The following NPAS3 variants were observed in gnomAD, a reference collection of about 807,000 sequenced individuals.
NPAS3 encodes the protein neuronal PAS domain protein 3.
NPAS3 carries 14 observed loss-of-function variants against 73.1 expected under a neutral mutation model. The ratio of observed to expected loss-of-function variants is 0.19; its 90% CI spans 0.13 to 0.30. The LOEUF is 0.30. Among genes scored for constraint, NPAS3 ranks in the 10% least tolerant of loss-of-function variants. The pLI, the probability that NPAS3 is intolerant of heterozygous loss-of-function variation, is 1.00. For missense variants in NPAS3, 1,096 were observed against 1,250.0 expected (o/e 0.88, Z 1.86); for synonymous variants, 620 against 541.5 (o/e 1.14, Z -2.01).
intron 7 of NPAS3, among the ~76,000 whole-genome samples, chr14:33,772,850 T>TTGACCCTCAACTTAAACTCCAGCACCAC (rs1385734185): frequency 3.1e-4 from 47 of 152,228 alleles, no homozygotes; most frequent in African/African-American, 1.1e-3. Context: ...GCATTAAGTA[T>TTGACCCTCAACTTAAACTCCAGCACCAC]GAATTTAGTC....
chr14:33,780,590 ACATCATG>A (rs956595728), intron 9 of NPAS3: 7 of 444,456 alleles, frequency 1.6e-5, no homozygotes, highest in African/African-American at 1.2e-4. Context: ...TATTTGGAAA[ACATCATG>A]CATCATGCTA....
At chr14:33,722,769 G>A (rs1021498969) in intron 6 of NPAS3, among the ~76,000 whole-genome samples, 20 of 152,038 alleles carry the variant, frequency 1.3e-4, no homozygotes, top group Non-Finnish European at 8.8e-5. Flanking sequence ...TTATTACAAA[G>A]TATAAATAAT....
intron 3 of NPAS3, among the ~76,000 whole-genome samples, chr14:33,335,967 A>C (rs1201077863): frequency 6.6e-6 from 1 of 152,212 alleles, no homozygotes; most frequent in African/African-American, 2.4e-5. Flanking sequence ...CTAGTAGTGA[A>C]ATTGCTGAGC....
At chr14:33,310,790 TAC>T (rs57506320) in intron 3 of NPAS3, among the ~76,000 whole-genome samples, 13,850 of 141,958 alleles carry the variant, frequency 0.098, 708 homozygotes, top group Middle Eastern at 0.15. Context: ...AAATGTATGG[TAC>T]ACACACACAC....
At chr14:33,723,828 C>T (rs1405119858) in intron 6 of NPAS3, among the ~76,000 whole-genome samples, 1 of 152,218 alleles carries the variant, frequency 6.6e-6, no homozygotes, top group Non-Finnish European at 1.5e-5. Flanking sequence ...GATGTCAGCT[C>T]ATGCTCCACA....
intron 4 of NPAS3, among the ~76,000 whole-genome samples, chr14:33,499,336 C>T (rs1440543929): frequency 6.6e-6 from 1 of 151,696 alleles, no homozygotes; most frequent in Admixed American, 6.6e-5. Context: ...TGTGAATGCC[C>T]TTCAAATCCT....
In NPAS3 at chr14:33,789,583, C is replaced by CTTTTTTTTTTTTTTTTTTTTTTTTT. The variant is rs10567527; in HGVS notation, c.1154-4291_1154-4290insTTTTTTTTTTTTTTTTTTTTTTTTT. Among the ~76,000 whole-genome samples, 13 of 92,414 alleles carry CTTTTTTTTTTTTTTTTTTTTTTTTT rather than the reference C, an allele frequency of 1.4e-4. 2 individuals are homozygous for CTTTTTTTTTTTTTTTTTTTTTTTTT. Among genetic ancestry groups the CTTTTTTTTTTTTTTTTTTTTTTTTT allele is most frequent in the South Asian group, 4.7e-4 (1 of 2,150 alleles). 60.6% of individuals were successfully genotyped at this position (92,414 alleles called of 152,430 possible). On this transcript the variant is annotated intron_variant, in intron 9 of 11. Coordinates refer to ENST00000356141, the Ensembl canonical transcript of NPAS3. The stretch of plus-strand genomic sequence containing the variant: ...ACTAAAAGTAATTACTAGAGTACAA[C>CTTTTTTTTTTTTTTTTTTTTTTTTT]TTTTTTTTTTTTTTTTTTTTTTTGA...
chr14:33,710,511 C>T (rs958521200), intron 6 of NPAS3, among the ~76,000 whole-genome samples: 6 of 152,172 alleles, frequency 3.9e-5, no homozygotes, highest in East Asian at 1.9e-4. Flanking sequence ...TCTATTAAGC[C>T]GAGGCCGCAT....
intron 4 of NPAS3, among the ~76,000 whole-genome samples, chr14:33,482,769 T>C (rs1205473386): frequency 6.6e-6 from 1 of 152,194 alleles, no homozygotes; most frequent in Middle Eastern, 3.4e-3. Context: ...CCACTGCTTG[T>C]CACTCATGAT....
chr14:33,075,202 G>A (rs2041616752), intron 2 of NPAS3, among the ~76,000 whole-genome samples: 1 of 152,074 alleles, frequency 6.6e-6, no homozygotes, highest in Non-Finnish European at 1.5e-5. Flanking sequence ...TACAAATAAT[G>A]TTTGATTTCT....
intron 6 of NPAS3, among the ~76,000 whole-genome samples, chr14:33,683,109 T>A (rs1008435176): frequency 2.0e-5 from 3 of 152,120 alleles, no homozygotes; most frequent in African/African-American, 7.2e-5. Flanking sequence ...AGAAAAAAAA[T>A]ACAGCTTTTA....
chr14:33,144,704 G>C (rs2044175787), intron 2 of NPAS3, among the ~76,000 whole-genome samples: 1 of 152,050 alleles, frequency 6.6e-6, no homozygotes, highest in Admixed American at 6.6e-5. Flanking sequence ...AAAACACCCA[G>C]CTAATTTACC....
intron 2 of NPAS3, among the ~76,000 whole-genome samples, chr14:33,180,366 G>GT (rs34932502): frequency 0.31 from 47,305 of 151,990 alleles, 7,531 homozygotes; most frequent in South Asian, 0.4. Context: ...GCACCATTCT[G>GT]TTAAATAAGA....
At chr14:33,692,757 G>A (rs1481176278) in intron 6 of NPAS3, among the ~76,000 whole-genome samples, 1 of 145,094 alleles carries the variant, frequency 6.9e-6, no homozygotes, top group East Asian at 2.1e-4. Flanking sequence ...GTATTTGTGT[G>A]AGACTATCAG....
intron 4 of NPAS3, among the ~76,000 whole-genome samples, chr14:33,486,922 T>C (rs1324153180): frequency 6.6e-6 from 1 of 152,220 alleles, no homozygotes; most frequent in African/African-American, 2.4e-5. Flanking sequence ...CTTGGCCTCC[T>C]ATTGGGAGCC....
intron 3 of NPAS3, among the ~76,000 whole-genome samples, chr14:33,259,266 A>AT (rs1342377052): frequency 6.6e-6 from 1 of 152,076 alleles, no homozygotes; most frequent in Non-Finnish European, 1.5e-5. Context: ...ATCAGCTATG[A>AT]TTTTTTATCT....
intron 2 of NPAS3, among the ~76,000 whole-genome samples, chr14:33,127,833 A>G (rs1373107921): frequency 6.6e-6 from 1 of 152,120 alleles, no homozygotes; most frequent in African/African-American, 2.4e-5. Context: ...AGTAAAATAC[A>G]TTTCCCTTTC....
intron 6 of NPAS3, among the ~76,000 whole-genome samples, chr14:33,690,692 G>T (rs2140406205): frequency 6.6e-6 from 1 of 152,172 alleles, no homozygotes; most frequent in Admixed American, 6.5e-5. Flanking sequence ...CAATTAAAAA[G>T]CATTTTGGAA....
intron 4 of NPAS3, among the ~76,000 whole-genome samples, chr14:33,553,204 A>C (rs891345722): frequency 6.6e-6 from 1 of 152,206 alleles, no homozygotes; most frequent in Admixed American, 6.5e-5. Context: ...CTAGCATCCC[A>C]GAGGAAAAAG....
Sources: gnomAD v4.1 joint callset for allele counts (sites outside exome capture counted in the v4.1 genomes callset) on GRCh38, gnomAD v4.1.1 for gene constraint, MANE v1.5 for transcripts, NCBI Gene and HGNC (gene_info 2026-07-23, HGNC 2026-07-21) for gene names.